PIBF1: variants seen among roughly 807,000 people sequenced by gnomAD.
PIBF1 encodes progesterone-induced-blocking factor 1.
A neutral mutation model predicts 112.5 loss-of-function variants in PIBF1; 90 were observed. The observed-to-expected ratio is 0.80, with a 90% CI of 0.67 to 0.95. PIBF1 has a LOEUF of 0.95. PIBF1 is among the 40% of genes least tolerant of loss of function. PIBF1 has a pLI of 0.00. For missense variants in PIBF1, 915 were observed against 852.3 expected (o/e 1.07, Z -0.92); for synonymous variants, 301 against 288.6 (o/e 1.04, Z -0.44).
intron 1 of PIBF1, among the ~76,000 whole-genome samples, chr13:72,782,875 C>CGTGT (rs34618038): frequency 0.014 from 2,122 of 147,440 alleles, 44 homozygotes; most frequent in African/African-American, 0.042. Context: ...TCGTTAAGGG[C>CGTGT]GTGTGTGTGT....
intron 8 of PIBF1, 56 bp downstream of exon 8, chr13:72,827,970 A>G: frequency 7.7e-7 from 1 of 1,297,750 alleles, no homozygotes; most frequent in African/African-American, 1.5e-5. Flanking sequence ...ATTTTCTTTG[A>G]GGGAACTCTT....
intron 6 of PIBF1, among the ~76,000 whole-genome samples, chr13:72,823,546 C>T (rs1394507996): frequency 6.6e-6 from 1 of 152,016 alleles, no homozygotes; most frequent in Non-Finnish European, 1.5e-5. Context: ...ATAAGATAAA[C>T]TGGGGAAGAA....
chr13:72,901,736 G>A (rs1253140667), intron 11 of PIBF1, among the ~76,000 whole-genome samples: 2 of 151,490 alleles, frequency 1.3e-5, no homozygotes, highest in African/African-American at 2.4e-5. Flanking sequence ...GCGGCGATCA[G>A]GGAACACTTC....
chr13:72,796,136 A>T (rs747854195), intron 4 of PIBF1, among the ~76,000 whole-genome samples: 1 of 152,224 alleles, frequency 6.6e-6, no homozygotes, highest in Non-Finnish European at 1.5e-5. Flanking sequence ...CAACTTTTTT[A>T]AACACAAGAA....
At chr13:72,796,412 A>T (rs1365698625) in intron 4 of PIBF1, among the ~76,000 whole-genome samples, 2 of 152,112 alleles carry the variant, frequency 1.3e-5, no homozygotes, top group African/African-American at 4.8e-5. Flanking sequence ...AGAGGCTTGA[A>T]TTTTTTAATC....
At chr13:72,804,001 A>G (rs914556079) in intron 5 of PIBF1, among the ~76,000 whole-genome samples, 3 of 152,080 alleles carry the variant, frequency 2.0e-5, no homozygotes, top group African/African-American at 4.8e-5. Flanking sequence ...TTTTTTGCCC[A>G]GTGGTATTTC....
intron 4 of PIBF1, among the ~76,000 whole-genome samples, chr13:72,796,443 A>C (rs2137971565): frequency 6.6e-6 from 1 of 152,248 alleles, no homozygotes; most frequent in South Asian, 2.1e-4. Context: ...GTTAATAGTA[A>C]CGGTGCGTTT....
intron 14 of PIBF1, among the ~76,000 whole-genome samples, chr13:72,942,055 C>A (rs561717837): frequency 2.0e-5 from 3 of 152,062 alleles, no homozygotes; most frequent in African/African-American, 7.2e-5. Context: ...GTTGCCTGAC[C>A]CATTCTTCTG....
At chr13:72,987,266 G>A (rs967807846) in intron 16 of PIBF1, among the ~76,000 whole-genome samples, 1 of 151,806 alleles carries the variant, frequency 6.6e-6, no homozygotes, top group African/African-American at 2.4e-5. Flanking sequence ...TAAACCAAAG[G>A]CTAGATGCTA....
rs529597867 is a variant in PIBF1, at chr13:72,853,983, G to T, written c.1224-74G>T. 7 of 1,118,234 alleles carry T rather than the reference G, an allele frequency of 6.3e-6. No homozygotes were observed. In the African/African-American group the frequency reaches 7.7e-5, roughly 12 times the overall value. 69.3% of individuals were successfully genotyped at this position (1,118,234 alleles called of 1,614,324 possible). On this transcript the variant is annotated intron_variant, in intron 9 of 17. Transcript: ENST00000326291. ...CTCAGATGGGTCCTTAAGATTGTCA[G>T]ATAGTCCATCTTTAAGAAAGAACAT...
chr13:72,967,828 G>A lies in PIBF1; in HGVS notation c.1964+2424G>A, dbSNP rs533619538. ...CAACTCAGTACTTAGTTTTGAGTTA[G>A]GGCAAGTAATTTAAACTCTCTAATA... On this transcript the variant is annotated intron_variant, in intron 15 of 17. Transcript: ENST00000326291. Among the ~76,000 whole-genome samples, 131 of 152,152 alleles carry A rather than the reference G, an allele frequency of 8.6e-4. 1 individual carries two copies. The highest frequency in any genetic ancestry group is 2.9e-3 in the African/African-American group (120 of 41,518).
chr13:72,949,453 TTACAGGTGTG>T (rs2042240729), intron 14 of PIBF1, among the ~76,000 whole-genome samples: 1 of 151,886 alleles, frequency 6.6e-6, no homozygotes, highest in Non-Finnish European at 1.5e-5. Context: ...GTAGCTGGGA[TTACAGGTGTG>T]TGCCACCACA....
chr13:72,871,135 G>A (rs539186628), intron 10 of PIBF1, among the ~76,000 whole-genome samples: 1 of 152,268 alleles, frequency 6.6e-6, no homozygotes, highest in African/African-American at 2.4e-5. Flanking sequence ...ATTGGTTTTA[G>A]AAATACAACT....
At chr13:73,001,601 G>T (rs367798095) in intron 17 of PIBF1, among the ~76,000 whole-genome samples, 103 of 7,326 alleles carry the variant, frequency 0.014, no homozygotes, top group South Asian at 0.032. Context: ...TTTTTTTTTT[G>T]ACACTTAGGT....
intron 10 of PIBF1, among the ~76,000 whole-genome samples, chr13:72,882,400 C>T (rs185688820): frequency 3.3e-5 from 5 of 152,224 alleles, no homozygotes; most frequent in Admixed American, 2.6e-4. Context: ...AGTGATACCG[C>T]ACAAGCACAG....
intron 16 of PIBF1, among the ~76,000 whole-genome samples, chr13:72,985,431 T>A (rs1290743128): frequency 6.7e-6 from 1 of 148,728 alleles, no homozygotes; most frequent in Admixed American, 6.7e-5. Context: ...TCCCAGCTAC[T>A]TGGGAGGCTG....
At chr13:72,911,252 C>T (rs2040882850) in intron 12 of PIBF1, among the ~76,000 whole-genome samples, 1 of 152,114 alleles carries the variant, frequency 6.6e-6, no homozygotes, top group African/African-American at 2.4e-5. Flanking sequence ...TACTATAAAG[C>T]TTCAATATCA....
At chr13:72,827,667 A>G in intron 7 of PIBF1, 66 bp from the exon 8 acceptor site, 1 of 956,996 alleles carries the variant, frequency 1.0e-6, no homozygotes, top group African/African-American at 1.7e-5. Context: ...AAAGAAATTA[A>G]TACAGTCAAG....
chr13:72,989,920 T>TA (rs2043418315), intron 16 of PIBF1, among the ~76,000 whole-genome samples: 4 of 152,020 alleles, frequency 2.6e-5, no homozygotes, highest in Admixed American at 6.6e-5. Context: ...AATGCTTTAT[T>TA]AAAAAATGCC....
Sources: gnomAD v4.1 joint callset for allele counts (sites outside exome capture counted in the v4.1 genomes callset) on GRCh38, gnomAD v4.1.1 for gene constraint, MANE v1.5 for transcripts, NCBI Gene and HGNC (gene_info 2026-07-23, HGNC 2026-07-21) for gene names.